AK2: variants seen among roughly 807,000 people sequenced by gnomAD.
AK2 encodes the protein adenylate kinase 2, mitochondrial.
A neutral mutation model predicts 24.6 loss-of-function variants in AK2; 15 were observed. The observed-to-expected ratio is 0.61, with a 90% CI of 0.41 to 0.94. AK2 has a LOEUF of 0.94. Among genes scored for constraint, AK2 ranks in the 40% least tolerant of loss-of-function variants. The pLI, the probability that AK2 is intolerant of heterozygous loss-of-function variation, is 0.00. For synonymous variants in AK2, 102 were observed against 114.0 expected (o/e 0.90, Z 0.67); for missense variants, 257 against 304.1 (o/e 0.85, Z 1.15).
At chr1:33,014,044 G>C (rs966845240) in intron 5 of AK2, among the ~76,000 whole-genome samples, 10 of 152,120 alleles carry the variant, frequency 6.6e-5, no homozygotes, top group African/African-American at 2.4e-4. Context: ...AAACCATATA[G>C]ACTCTTTATG....
At chr1:33,024,931 A>G (rs945679292) in intron 1 of AK2, among the ~76,000 whole-genome samples, 2 of 152,204 alleles carry the variant, frequency 1.3e-5, no homozygotes, top group African/African-American at 4.8e-5. Flanking sequence ...TCACGCCTAT[A>G]ACCCCAGCAC....
intron 4 of AK2, chr1:33,020,221 ACACACAC>A: frequency 1.6e-6 from 2 of 1,252,096 alleles, no homozygotes; most frequent in Non-Finnish European, 2.2e-6. Context: ...ACACACACAC[ACACACAC>A]AAAGTGGCTG....
rs964707330 is a variant in AK2, at chr1:33,012,339, C to T, written c.*842G>A. ...TGCAAAGTAAGTGCCTTTTTCCTTC[C>T]ACCTAGGGGGAAAAAATTAATGATC... On this transcript the variant is annotated 3_prime_UTR_variant, in exon 6 of 6. Transcript: ENST00000672715. 27 of 1,530,008 alleles carry T rather than the reference C, an allele frequency of 1.8e-5. No individual in the cohort carries two copies. The Admixed American group carries it at 4.1e-4, about 23-fold the overall frequency. The allele number at this position is 1,530,008 out of a possible 1,614,324, so 94.8% of individuals were successfully genotyped here.
chr1:33,028,364 G>A (rs576602444), intron 1 of AK2, among the ~76,000 whole-genome samples: 8 of 152,232 alleles, frequency 5.3e-5, no homozygotes, highest in East Asian at 1.9e-4. Flanking sequence ...TTAGCTGGGC[G>A]TGGTGGCATA....
chr1:33,023,546 C>A (rs1230399865), intron 2 of AK2, among the ~76,000 whole-genome samples: 1 of 152,054 alleles, frequency 6.6e-6, no homozygotes, highest in African/African-American at 2.4e-5. Flanking sequence ...ATGATTGCAC[C>A]ACTGCACACC....
chr1:33,030,393 T>A (rs1332076527), intron 1 of AK2, among the ~76,000 whole-genome samples: 2 of 148,234 alleles, frequency 1.3e-5, no homozygotes, highest in African/African-American at 4.9e-5. Context: ...CATTTCTACA[T>A]TTTTTTTTTT....
intron 4 of AK2, among the ~76,000 whole-genome samples, chr1:33,017,949 G>A (rs1639298491): frequency 6.6e-6 from 1 of 151,982 alleles, no homozygotes; most frequent in South Asian, 2.1e-4. Flanking sequence ...CTTTATAGTA[G>A]AGACGAGGTC....
At chr1:33,014,471 GAAGA>G (rs1364636771) in intron 5 of AK2, 47 bp downstream of exon 5, 7 of 1,386,788 alleles carry the variant, frequency 5.0e-6, no homozygotes, top group Middle Eastern at 1.8e-4. Flanking sequence ...GAAAAACAGT[GAAGA>G]AAGGGGAAGG....
At position 33,009,720 on chromosome 1, in the gene AK2, C is replaced by T. The variant is rs1638682252; in HGVS notation, c.*3461G>A. ...TGCTATCTCCACTAGACCAAGCTGC[C>T]TTGTCTCTGGGCTCAAGAGAAGCCT... is the stretch of plus-strand genomic sequence containing the variant. On this transcript the variant is annotated 3_prime_UTR_variant, in exon 6 of 6. Transcript: ENST00000672715. 2.2e-6 allele frequency: 1 copy of T among 454,134 alleles called. No homozygotes were observed. Among genetic ancestry groups the T allele is most frequent in the East Asian group, 6.9e-5 (1 of 14,396 alleles). 28.1% of individuals were successfully genotyped at this position (454,134 alleles called of 1,614,324 possible).
intron 1 of AK2, 99 bp downstream of exon 1, chr1:33,036,637 C>T (rs1178516521): frequency 1.7e-6 from 2 of 1,193,348 alleles, no homozygotes; most frequent in African/African-American, 3.0e-5. Flanking sequence ...GGCCTTAGTC[C>T]CCGGCCCGCT....
chr1:33,023,030 C>T (rs1330797822), intron 2 of AK2, among the ~76,000 whole-genome samples: 1 of 152,078 alleles, frequency 6.6e-6, no homozygotes, highest in East Asian at 1.9e-4. Context: ...TTTGATACAG[C>T]TACAGAATCT....
Position 33,008,555 on chromosome 1 carries a change from G to T in AK2, c.*4626C>A, listed in dbSNP as rs748227866. ...CAGCCCTTCCTGTGTGCAGAGCTAC[G>T]CAAGTAATTAAATCACTTCAGCAAC... is the stretch of plus-strand genomic sequence containing the variant. On this transcript the variant is annotated 3_prime_UTR_variant, in exon 6 of 6. Transcript: ENST00000672715. 7.9e-5 allele frequency: 36 copies of T among 453,934 alleles called. No homozygotes were observed. The highest frequency in any genetic ancestry group is 1.3e-4 in the Non-Finnish European group (30 of 226,790). 28.1% of individuals were successfully genotyped at this position (453,934 alleles called of 1,614,324 possible).
At position 33,012,126 on chromosome 1, in the gene AK2, G is replaced by A. The variant is rs771221197; in HGVS notation, c.*1055C>T. ...TGACTGCTCTCAGATGATCAGCCTG[G>A]ATGTTCAGAAGACAATCTGAATTCA... On this transcript the variant is annotated 3_prime_UTR_variant, in exon 6 of 6. Coordinates refer to ENST00000672715, the MANE Select transcript of AK2 (RefSeq NM_001625.4). 5 of 1,535,432 alleles carry A rather than the reference G, an allele frequency of 3.3e-6. No individual in the cohort carries two copies. The South Asian group carries it at 4.8e-5, about 15-fold the overall frequency.
At chr1:33,023,670 C>T (rs1160914615) in intron 2 of AK2, among the ~76,000 whole-genome samples, 2 of 152,190 alleles carry the variant, frequency 1.3e-5, no homozygotes, top group Non-Finnish European at 1.5e-5. Context: ...AAACAGCACA[C>T]AGAGCCATAA....
chr1:33,009,910 C>T lies in AK2; in HGVS notation c.*3271G>A, dbSNP rs1227425304. On this transcript the variant is annotated 3_prime_UTR_variant, in exon 6 of 6. Coordinates refer to ENST00000672715, the MANE Select transcript of AK2 (RefSeq NM_001625.4). The stretch of plus-strand genomic sequence containing the variant: ...CTTAGATTATCTAAAAAAAATGCCA[C>T]AACAGGGGATACAAATTTTAACATA... 4.5e-6 allele frequency: 2 copies of T among 443,500 alleles called. No homozygotes were observed. The highest frequency in any genetic ancestry group is 2.4e-5 in the Admixed American group (1 of 41,242). The allele number at this position is 443,500 out of a possible 1,614,324, so 27.5% of individuals were successfully genotyped here. A position where few individuals can be genotyped will look rare whatever the true frequency, so the allele number is the denominator to read the frequency against.
chr1:33,026,914 T>A (rs1176523306), intron 1 of AK2, among the ~76,000 whole-genome samples: 3 of 151,732 alleles, frequency 2.0e-5, no homozygotes, highest in Non-Finnish European at 4.4e-5. Context: ...TCACCGGAAG[T>A]CAGGAGTTCG....
intron 4 of AK2, among the ~76,000 whole-genome samples, chr1:33,018,419 AAAC>A (rs752136419): frequency 2.6e-5 from 4 of 152,102 alleles, no homozygotes; most frequent in East Asian, 3.8e-4. Context: ...TCTGTCTCAA[AAAC>A]AACAACAATG....
chr1:33,029,521 T>C (rs1640111116), intron 1 of AK2: 1 of 151,542 alleles, frequency 6.6e-6, no homozygotes, highest in Admixed American at 6.6e-5. Context: ...TCAAGCAATC[T>C]TCCTGCCTTA....
At chr1:33,024,780 T>C (rs1639768407) in intron 1 of AK2, among the ~76,000 whole-genome samples, 1 of 152,246 alleles carries the variant, frequency 6.6e-6, no homozygotes, top group East Asian at 1.9e-4. Flanking sequence ...AAATAATATA[T>C]GTAAAGCACT....
Sources: gnomAD v4.1 joint callset for allele counts (sites outside exome capture counted in the v4.1 genomes callset) on GRCh38, gnomAD v4.1.1 for gene constraint, MANE v1.5 for transcripts, NCBI Gene and HGNC (gene_info 2026-07-23, HGNC 2026-07-21) for gene names.